Variants in ROR1 observed in about 807,000 individuals in gnomAD.
ROR1 encodes the protein ROR family WNT receptor 1.
ROR1 carries 19 observed loss-of-function variants against 78.8 expected under a neutral mutation model. The observed-to-expected ratio is 0.24, with a 90% CI of 0.17 to 0.35. ROR1 has a LOEUF of 0.35. ROR1 is among the 10% of genes least tolerant of loss of function. ROR1 has a pLI of 1.00. For missense variants in ROR1, 917 were observed against 1,177.8 expected (o/e 0.78, Z 3.24); for synonymous variants, 386 against 433.6 (o/e 0.89, Z 1.36).
chr1:63,786,015 G>A (rs894054975), intron 1 of ROR1, among the ~76,000 whole-genome samples: 1 of 152,010 alleles, frequency 6.6e-6, no homozygotes, highest in Non-Finnish European at 1.5e-5. Flanking sequence ...GGGGACACGT[G>A]ATAACTAATG....
intron 1 of ROR1, among the ~76,000 whole-genome samples, chr1:63,925,205 T>G (rs1176066682): frequency 7.4e-6 from 1 of 135,638 alleles, no homozygotes; most frequent in Non-Finnish European, 1.5e-5. Flanking sequence ...GATATTCCCC[T>G]TCCTGTGTCC....
chr1:64,060,603 C>T (rs78152423), intron 4 of ROR1, among the ~76,000 whole-genome samples: 2,013 of 152,206 alleles, frequency 0.013, 49 homozygotes, highest in African/African-American at 0.047. Flanking sequence ...ACTTTCAACA[C>T]GGCTACTCAA....
At chr1:63,949,175 G>A (rs1219805129) in intron 1 of ROR1, among the ~76,000 whole-genome samples, 1 of 152,150 alleles carries the variant, frequency 6.6e-6, no homozygotes, top group Non-Finnish European at 1.5e-5. Context: ...ACAGAAAGGG[G>A]TTAGGGCAAG....
chr1:64,173,295 G>T (rs1650291065), intron 8 of ROR1, among the ~76,000 whole-genome samples: 1 of 152,236 alleles, frequency 6.6e-6, no homozygotes, highest in African/African-American at 2.4e-5. Context: ...CCTTGGAGAA[G>T]ACTTGGGATT....
At chr1:64,100,214 G>T (rs1020768181) in intron 4 of ROR1, among the ~76,000 whole-genome samples, 1 of 152,070 alleles carries the variant, frequency 6.6e-6, no homozygotes, top group African/African-American at 2.4e-5. Context: ...ATGTGTGGTG[G>T]CTCGTGTCTG....
rs1036062905 is a variant in ROR1 at position 64,114,414 on chromosome 1, G to T, written c.483-22955G>T. On this transcript the variant is annotated intron_variant, in intron 4 of 8. Transcript: ENST00000371079. Reference sequence around the variant, plus strand: ...AGCAGTTTCTAAAGGAGTGACTGATGGGAGAGAGACTCAGTAGTTGACTAT... The same window carrying T: ...AGCAGTTTCTAAAGGAGTGACTGATTGGAGAGAGACTCAGTAGTTGACTAT... Among the ~76,000 whole-genome samples, 4 of 152,182 alleles carry T rather than the reference G, an allele frequency of 2.6e-5. No homozygotes were observed. In the East Asian group the frequency reaches 7.7e-4, roughly 29 times the overall value.
At chr1:64,107,765 T>C (rs1316931195) in intron 4 of ROR1, among the ~76,000 whole-genome samples, 1 of 152,120 alleles carries the variant, frequency 6.6e-6, no homozygotes, top group African/African-American at 2.4e-5. Flanking sequence ...AATAGAATTT[T>C]ACTGGGCCTC....
chr1:64,081,862 A>T (rs750774044), intron 4 of ROR1, among the ~76,000 whole-genome samples: 3 of 152,086 alleles, frequency 2.0e-5, no homozygotes, highest in Non-Finnish European at 4.4e-5. Flanking sequence ...ATTCTATAAA[A>T]TATGTATAGA....
chr1:63,879,155 A>G (rs1645307534), intron 1 of ROR1, among the ~76,000 whole-genome samples: 1 of 152,106 alleles, frequency 6.6e-6, no homozygotes, highest in African/African-American at 2.4e-5. Flanking sequence ...GGAGTCTCAT[A>G]AGGAAGGCAG....
At chr1:64,094,086 A>G (rs1451339403) in intron 4 of ROR1, among the ~76,000 whole-genome samples, 3 of 152,228 alleles carry the variant, frequency 2.0e-5, no homozygotes, top group Non-Finnish European at 4.4e-5. Flanking sequence ...CTTGTCATAA[A>G]TGAAACCCTC....
chr1:64,108,944 C>G (rs150284496), intron 4 of ROR1, among the ~76,000 whole-genome samples: 129 of 152,174 alleles, frequency 8.5e-4, no homozygotes, highest in South Asian at 4.0e-3. Context: ...CCAGAAAACC[C>G]AGGGAAAATG....
At chr1:64,137,219 G>A in intron 4 of ROR1, 150 bp from the exon 5 acceptor site, 1 of 697,756 alleles carries the variant, frequency 1.4e-6, no homozygotes, top group Admixed American at 3.0e-5. Context: ...TTTAAGAACT[G>A]AGCAAAAGCC....
At chr1:63,885,944 G>A (rs2100381358) in intron 1 of ROR1, among the ~76,000 whole-genome samples, 1 of 152,238 alleles carries the variant, frequency 6.6e-6, no homozygotes, top group African/African-American at 2.4e-5. Flanking sequence ...AGTAAATAAT[G>A]AAATAATTAC....
At chr1:64,080,210 G>A (rs576594036) in intron 4 of ROR1, among the ~76,000 whole-genome samples, 9 of 152,236 alleles carry the variant, frequency 5.9e-5, no homozygotes, top group East Asian at 3.9e-4. Flanking sequence ...TCTCAACTGA[G>A]GGTGATTTTG....
chr1:63,791,343 G>A (rs140525257), intron 1 of ROR1, among the ~76,000 whole-genome samples: 109 of 152,186 alleles, frequency 7.2e-4, no homozygotes, highest in African/African-American at 2.6e-3. Flanking sequence ...TGACTCAGGG[G>A]AGTCACCTTT....
rs540980335 is a variant in ROR1, at chr1:64,075,197, A to G, written c.482+24481A>G. On this transcript the variant is annotated intron_variant, in intron 4 of 8. Coordinates refer to ENST00000371079, the MANE Select transcript of ROR1 (RefSeq NM_005012.4). ...AATATTCAAGTTCTAATTTCTTAAT[A>G]CACACCCTAAAATGTTTTAAATTTA... is the stretch of plus-strand genomic sequence containing the variant. Among the ~76,000 whole-genome samples, 29 of 152,324 alleles carry G rather than the reference A, an allele frequency of 1.9e-4. 1 individual carries two copies. The highest frequency in any genetic ancestry group is 1.7e-3 in the Admixed American group (26 of 15,298).
chr1:63,912,661 A>G (rs1645580454), intron 1 of ROR1, among the ~76,000 whole-genome samples: 1 of 152,156 alleles, frequency 6.6e-6, no homozygotes, highest in Non-Finnish European at 1.5e-5. Context: ...CCGGAGTTGT[A>G]TCCTTGACAC....
At chr1:63,946,617 T>C (rs1215674462) in intron 1 of ROR1, among the ~76,000 whole-genome samples, 1 of 152,228 alleles carries the variant, frequency 6.6e-6, no homozygotes, top group African/African-American at 2.4e-5. Context: ...ATTTCCACTA[T>C]ATAAAGGAAG....
chr1:63,947,479 G>C (rs1163986941), intron 1 of ROR1, among the ~76,000 whole-genome samples: 1 of 152,132 alleles, frequency 6.6e-6, no homozygotes, highest in Admixed American at 6.6e-5. Context: ...CATCCAAACA[G>C]GGAAATTTGA....
Sources: gnomAD v4.1 joint callset for allele counts (sites outside exome capture counted in the v4.1 genomes callset) on GRCh38, gnomAD v4.1.1 for gene constraint, MANE v1.5 for transcripts, NCBI Gene and HGNC (gene_info 2026-07-23, HGNC 2026-07-21) for gene names.